KCNT2: variants seen among roughly 807,000 people sequenced by gnomAD.
The protein encoded by KCNT2 is potassium channel subfamily T member 2.
KCNT2 carries 67 observed loss-of-function variants against 153.8 expected under a neutral mutation model. The ratio of observed to expected loss-of-function variants is 0.44; its 90% CI spans 0.36 to 0.53. KCNT2 has a LOEUF of 0.53. Among genes scored for constraint, KCNT2 ranks in the 20% least tolerant of loss-of-function variants. The pLI is 0.00. For missense variants in KCNT2, 975 were observed against 1,354.8 expected (o/e 0.72, Z 4.40); for synonymous variants, 500 against 458.8 (o/e 1.09, Z -1.15).
At chr1:196,291,506 T>C (rs1159030088) in intron 22 of KCNT2, among the ~76,000 whole-genome samples, 1 of 152,104 alleles carries the variant, frequency 6.6e-6, no homozygotes, top group South Asian at 2.1e-4. Context: ...ATTTTATGAA[T>C]TGCACTTTAT....
chr1:196,444,637 A>G (rs954934775), intron 8 of KCNT2, among the ~76,000 whole-genome samples: 2 of 151,480 alleles, frequency 1.3e-5, no homozygotes, highest in African/African-American at 4.8e-5. Flanking sequence ...CATTTCGAGT[A>G]GGGCAAATGT....
At chr1:196,267,790 A>G (rs1020644714) in intron 25 of KCNT2, among the ~76,000 whole-genome samples, 2 of 152,140 alleles carry the variant, frequency 1.3e-5, no homozygotes, top group Non-Finnish European at 2.9e-5. Flanking sequence ...TCACCCTGCA[A>G]GTCTGACATA....
intron 16 of KCNT2, among the ~76,000 whole-genome samples, chr1:196,334,352 G>A (rs889842817): frequency 1.3e-5 from 2 of 151,630 alleles, no homozygotes; most frequent in African/African-American, 4.8e-5. Flanking sequence ...GAAACTTAAA[G>A]TGAAAAAGTA....
Position 196,326,861 on chromosome 1 carries a change from G to T in KCNT2, c.2132C>A (p.Ala711Glu). Reference sequence around the variant, plus strand: ...TTTATTTTTGAATCCATAGGCTTTTGCATCCTCATAGTAGTTATGTTGGCA... The same window carrying T: ...TTTATTTTTGAATCCATAGGCTTTTTCATCCTCATAGTAGTTATGTTGGCA... ...KSCQHNYYEDAKAYGFKNKLI... is the reference protein window; with the variant it reads ...KSCQHNYYEDEKAYGFKNKLI... The change falls in exon 19 of 28, where the codon GCA becomes GAA. Residue 711 changes from alanine (A) to glutamate (E), a missense_variant. Coordinates refer to ENST00000294725, the MANE Select transcript of KCNT2 (RefSeq NM_198503.5). 1 of 1,583,802 alleles carries T rather than the reference G, an allele frequency of 6.3e-7. No individual in the cohort carries two copies. The highest frequency in any genetic ancestry group is 1.4e-5 in the African/African-American group (1 of 72,776).
chr1:196,576,844 T>A (rs1043370387), intron 1 of KCNT2, among the ~76,000 whole-genome samples: 72 of 152,086 alleles, frequency 4.7e-4, no homozygotes, highest in African/African-American at 1.7e-3. Context: ...ATCAGTGATA[T>A]TAATATTTCC....
chr1:196,383,479 A>G (rs1354266123), intron 13 of KCNT2, among the ~76,000 whole-genome samples: 2 of 152,142 alleles, frequency 1.3e-5, no homozygotes, highest in Non-Finnish European at 2.9e-5. Context: ...TGGTCTTTGG[A>G]CCACACTTTG....
intron 1 of KCNT2, among the ~76,000 whole-genome samples, chr1:196,545,066 C>A (rs1656903225): frequency 6.6e-6 from 1 of 151,946 alleles, no homozygotes; most frequent in Non-Finnish European, 1.5e-5. Context: ...GCCCAGTGGA[C>A]CTTTCAAAAG....
Position 196,489,827 on chromosome 1 carries a change from AG to A in KCNT2, c.275+10del, listed in dbSNP as rs1482651503. 1 of 1,337,406 alleles carries A rather than the reference AG, an allele frequency of 7.5e-7. No homozygotes were observed. Among genetic ancestry groups the A allele is most frequent in the African/African-American group, 1.5e-5 (1 of 67,706 alleles). 82.8% of individuals were successfully genotyped at this position (1,337,406 alleles called of 1,614,324 possible). A position where few individuals can be genotyped will look rare whatever the true frequency, so the allele number is the denominator to read the frequency against. On this transcript the variant is annotated intron_variant, in intron 3 of 27. Coordinates refer to ENST00000294725, the MANE Select transcript of KCNT2 (RefSeq NM_198503.5). ...AATAATATTGTTGAAGGTCAGAAAA[AG>A]GTACCTTACCATTCATTTCCTTGTG... is the stretch of plus-strand genomic sequence containing the variant.
intron 12 of KCNT2, among the ~76,000 whole-genome samples, chr1:196,414,916 A>C (rs780263405): frequency 1.1e-4 from 16 of 152,088 alleles, no homozygotes; most frequent in Middle Eastern, 3.4e-3. Context: ...CTGGAAGCAC[A>C]TAAAATGACA....
rs373924275 is a variant in KCNT2, at chr1:196,482,359, T to C, written c.296A>G (p.Asn99Ser). 1.1e-5 allele frequency: 17 copies of C among 1,574,436 alleles called. No homozygotes were observed. The African/African-American group carries it at 2.3e-4, about 22-fold the overall frequency. ...TAAGCCCCACAAAGGTAGACTTCTG[T>C]TCACCCAAAAGATATGAGACCTATA... ...GNEWSHIFWV[N>S]RSLPLWGLQV... is the part of the protein sequence containing the mutation. The change falls in exon 4 of 28, where the codon AAC (asparagine) becomes AGC (serine). Residue 99 changes from asparagine (N) to serine (S), a missense_variant. By Grantham distance (46) the Asn-to-Ser change is conservative. This residue lies in a region of KCNT2 where 140 missense variants were observed against 216.0 expected (regional missense o/e 0.65). Coordinates refer to ENST00000294725, the MANE Select transcript of KCNT2 (RefSeq NM_198503.5).
intron 13 of KCNT2, among the ~76,000 whole-genome samples, chr1:196,379,021 C>A (rs1172069357): frequency 6.6e-6 from 1 of 151,396 alleles, no homozygotes; most frequent in African/African-American, 2.4e-5. Context: ...CTCAGTTTCC[C>A]TTTTAGATAT....
rs188208382 is a variant in KCNT2, at chr1:196,421,056, G to A, written c.1185+1994C>T. ...GACTGTTGAGGTTCGGTTGCAAAAC[G>A]CAGCTTGCTTCTAATTTGTTTCCTG... On this transcript the variant is annotated intron_variant, in intron 12 of 27. Transcript: ENST00000294725. 5.7e-3 allele frequency among the ~76,000 whole-genome samples: 873 copies of A among 152,170 alleles called. 4 individuals carry two copies. Among genetic ancestry groups the A allele is most frequent in the Non-Finnish European group, 8.4e-3 (569 of 68,000 alleles).
intron 7 of KCNT2, 86 bp from the exon 8 acceptor site, chr1:196,465,473 T>G (rs1015330503): frequency 2.6e-6 from 2 of 770,916 alleles, no homozygotes; most frequent in African/African-American, 3.4e-5. Context: ...ATACATTTCA[T>G]GTCAACTCTC....
chr1:196,273,162 A>C (rs1039628361), intron 25 of KCNT2, among the ~76,000 whole-genome samples: 5 of 151,822 alleles, frequency 3.3e-5, no homozygotes, highest in Non-Finnish European at 7.4e-5. Flanking sequence ...TAGTTTTCTA[A>C]TCACTTTAAA....
chr1:196,578,173 AG>A (rs1378793993), intron 1 of KCNT2, among the ~76,000 whole-genome samples: 1 of 14,784 alleles, frequency 6.8e-5, no homozygotes, highest in Non-Finnish European at 1.1e-3. Context: ...GGAAACCTGC[AG>A]TCTTACCACA....
intron 25 of KCNT2, among the ~76,000 whole-genome samples, chr1:196,276,366 C>G (rs1186225884): frequency 6.6e-6 from 1 of 151,910 alleles, no homozygotes; most frequent in Non-Finnish European, 1.5e-5. Flanking sequence ...GTATTAATTG[C>G]TTTGATATGT....
intron 1 of KCNT2, among the ~76,000 whole-genome samples, chr1:196,584,227 T>C (rs6702610): frequency 0.8 from 120,412 of 149,698 alleles, 50,910 homozygotes; most frequent in South Asian, 0.98. Flanking sequence ...CCCTCCATAA[T>C]TGTGGAGGAA....
At chr1:196,424,143 G>A (rs958576307) in intron 11 of KCNT2, among the ~76,000 whole-genome samples, 2 of 151,602 alleles carry the variant, frequency 1.3e-5, no homozygotes, top group African/African-American at 4.8e-5. Flanking sequence ...TCACATGGAG[G>A]AATTCTTCTT....
At chr1:196,432,415 G>A (rs1042323991) in intron 8 of KCNT2, among the ~76,000 whole-genome samples, 10 of 152,224 alleles carry the variant, frequency 6.6e-5, no homozygotes, top group Non-Finnish European at 1.2e-4. Flanking sequence ...GGAGATGCTA[G>A]ACCCCAACTC....
Sources: allele counts gnomAD v4.1 joint callset (sites outside exome capture counted in the v4.1 genomes callset), GRCh38; gene constraint gnomAD v4.1.1; regional missense constraint gnomAD v4.1.1; transcripts MANE v1.5; gene names NCBI Gene and HGNC (gene_info 2026-07-23, HGNC 2026-07-21).